C2orf74: variants seen among roughly 807,000 people sequenced by gnomAD.
C2orf74 encodes DPM1 ER membrane anchor 1.
A neutral mutation model predicts 17.9 loss-of-function variants in C2orf74; 14 were observed. The ratio of observed to expected loss-of-function variants is 0.78; its 90% CI spans 0.52 to 1.22. The LOEUF (loss-of-function observed/expected upper bound fraction) is 1.22, where lower values mean the gene tolerates loss of function less well. Among genes scored for constraint, C2orf74 ranks in the 50% most tolerant of loss-of-function variants. The pLI, the probability that C2orf74 is intolerant of heterozygous loss-of-function variation, is 0.00. For missense variants in C2orf74, 217 were observed against 218.4 expected, an observed-to-expected ratio of 0.99 and a Z score of 0.04; for synonymous variants, 79 against 72.6, an observed-to-expected ratio of 1.09 and a Z score of -0.44.
chr2:61,154,424 G>A (rs1685335208), intron 1 of C2orf74, among the ~76,000 whole-genome samples: 1 of 151,978 alleles, frequency 6.6e-6, no homozygotes, highest in Non-Finnish European at 1.5e-5. Context: ...TCCTGAATGG[G>A]GTCCTGGACC....
At chr2:61,148,273 G>A (rs1006361393) in intron 1 of C2orf74, among the ~76,000 whole-genome samples, 1 of 151,220 alleles carries the variant, frequency 6.6e-6, no homozygotes, top group African/African-American at 2.4e-5. Context: ...TGCAACCTCC[G>A]CCCCCTGGCT....
At chr2:61,159,594 C>T (rs778753124), upstream of C2orf74, among the ~76,000 whole-genome samples, 2 of 152,138 alleles carry the variant, frequency 1.3e-5, no homozygotes, top group Non-Finnish European at 2.9e-5. Flanking sequence ...CCACACCAGG[C>T]CAAGAACTAA....
intron 4 of C2orf74, 97 bp downstream of exon 4, chr2:61,163,329 A>G: frequency 5.2e-6 from 7 of 1,345,788 alleles, no homozygotes; most frequent in Non-Finnish European, 7.0e-6. Context: ...GAGATGGAGG[A>G]CCGGGCGGGT....
intron 1 of C2orf74, among the ~76,000 whole-genome samples, chr2:61,148,899 T>C (rs1037682521): frequency 2.6e-5 from 4 of 152,128 alleles, no homozygotes; most frequent in Non-Finnish European, 4.4e-5. Context: ...GTATTTTCAG[T>C]AGAGACGGGG....
rs145611636 is a variant in C2orf74, at chr2:61,147,047, T to G, written c.-122+1851T>G. On this transcript the variant is annotated intron_variant, in intron 1 of 3. Coordinates refer to the C2orf74 transcript ENST00000426997. ...AGATGGGAGTGGTGGTGGGCGCCTGTAGGCCCAACTACCCGGGAGGCTGAG... is the reference window on the plus strand; with the variant it reads ...AGATGGGAGTGGTGGTGGGCGCCTGGAGGCCCAACTACCCGGGAGGCTGAG... 2.9e-3 allele frequency among the ~76,000 whole-genome samples: 444 copies of G among 151,632 alleles called. 1 individual carries two copies. The highest frequency in any genetic ancestry group is 9.0e-3 in the African/African-American group (372 of 41,322).
At chr2:61,149,804 C>G (rs1170326109) in intron 1 of C2orf74, among the ~76,000 whole-genome samples, 1 of 151,960 alleles carries the variant, frequency 6.6e-6, no homozygotes, top group Non-Finnish European at 1.5e-5. Context: ...GTCTCGAACT[C>G]CTGACCTCAG....
At chr2:61,151,174 G>C (rs914783401) in intron 1 of C2orf74, among the ~76,000 whole-genome samples, 2 of 151,542 alleles carry the variant, frequency 1.3e-5, no homozygotes, top group Admixed American at 1.3e-4. Flanking sequence ...TCATTAGCCA[G>C]GTGTGATGGC....
Position 61,162,512 on chromosome 2 carries a change from C to T in C2orf74, c.-3C>T. The T allele has an allele frequency of 6.4e-7, 1 of 1,550,994 alleles. No individual in the cohort carries two copies. The highest frequency in any genetic ancestry group is 8.7e-7 in the Non-Finnish European group (1 of 1,146,352). On this transcript the variant is annotated 5_prime_UTR_variant, in exon 2 of 5. Transcript: ENST00000432605. ...AGAGTGGATGAGTCTTCTAGCTAAACCTATGAGCTTTGAAACCACAGCAAT... is the reference window on the plus strand; with the variant it reads ...AGAGTGGATGAGTCTTCTAGCTAAATCTATGAGCTTTGAAACCACAGCAAT...
At chr2:61,148,011 C>A (rs1453776009) in intron 1 of C2orf74, among the ~76,000 whole-genome samples, 1 of 150,898 alleles carries the variant, frequency 6.6e-6, no homozygotes. Flanking sequence ...TCAGCTGATG[C>A]TCCTGCCTTG....
At chr2:61,150,405 T>G (rs1250369228) in intron 1 of C2orf74, among the ~76,000 whole-genome samples, 1 of 152,212 alleles carries the variant, frequency 6.6e-6, no homozygotes. Flanking sequence ...TTGAAGGTAC[T>G]TCTTGATCTC....
intron 1 of C2orf74, among the ~76,000 whole-genome samples, chr2:61,146,142 G>A (rs1490857634): frequency 6.6e-6 from 1 of 152,200 alleles, no homozygotes; most frequent in Non-Finnish European, 1.5e-5. Context: ...GTATCCATCA[G>A]AAGACTGATA....
exon 1 of C2orf74, chr2:61,162,186 CCG>C: frequency 4.1e-5 from 12 of 296,272 alleles, no homozygotes; most frequent in South Asian, 1.8e-4. Context: ...TCCAGCTGTT[CCG>C]ATTCCTCTCT....
chr2:61,164,397 C>T lies in C2orf74; in HGVS notation c.434C>T (p.Pro145Leu), dbSNP rs1243445549. ...ATACACACATCTGTCACTAGAACTC[C>T]TTCAGTTGTTGAAAGCCAAAAAAGA... ...QKIHTSVTRT[P>L]SVVESQKRPL... is the part of the protein sequence containing the mutation. Residue 145 changes from proline (P) to leucine (L), a missense_variant, in exon 5 of 5, where the codon CCT becomes CTT. Coordinates refer to ENST00000432605, the MANE Select transcript of C2orf74 (RefSeq NM_001143959.4). 1 of 1,550,288 alleles carries T rather than the reference C, an allele frequency of 6.5e-7. No homozygotes were observed. Among genetic ancestry groups the T allele is most frequent in the African/African-American group, 1.4e-5 (1 of 72,972 alleles).
intron 1 of C2orf74, chr2:61,151,683 C>T (rs1388194845): frequency 6.6e-6 from 1 of 152,114 alleles, no homozygotes; most frequent in Non-Finnish European, 1.5e-5. Flanking sequence ...GTCCTTACAA[C>T]ATGGCAACTG....
chr2:61,155,997 A>C (rs1198580378), intron 1 of C2orf74, among the ~76,000 whole-genome samples: 1 of 151,972 alleles, frequency 6.6e-6, no homozygotes, highest in Non-Finnish European at 1.5e-5. Flanking sequence ...CAGGAGTTTG[A>C]GACCAGCCAG....
At chr2:61,154,368 C>T (rs1685333293) in intron 1 of C2orf74, among the ~76,000 whole-genome samples, 1 of 152,072 alleles carries the variant, frequency 6.6e-6, no homozygotes, top group African/African-American at 2.4e-5. Context: ...GAAATTGTCA[C>T]AGCCAAGAGG....
chr2:61,157,867 C>G (rs1318914761), upstream of C2orf74: 1 of 470,970 alleles, frequency 2.1e-6, no homozygotes, highest in African/African-American at 2.0e-5. Context: ...CACAGGATTT[C>G]AACAGATCAC....
At chr2:61,155,648 G>T (rs1685369608) in intron 1 of C2orf74, among the ~76,000 whole-genome samples, 2 of 152,094 alleles carry the variant, frequency 1.3e-5, no homozygotes, top group African/African-American at 4.8e-5. Flanking sequence ...AGCCTCCCGA[G>T]TAGCTGGGAC....
At position 61,162,923 on chromosome 2, in the gene C2orf74, A is replaced by G; in HGVS notation, c.177A>G (p.Lys59=). ...GAGGTGTAGACTGTGCAGCTGCCAA[A>G]GTGGTGACAAGCAATCCAGAGGACC... ...ANGGVDCAAA[K]VVTSNPEDHE... Residue 59 remains lysine (K), a synonymous_variant, in exon 3 of 5, where the codon AAA becomes AAG. Coordinates refer to ENST00000432605, the MANE Select transcript of C2orf74 (RefSeq NM_001143959.4). 8 of 1,552,558 alleles carry G rather than the reference A, an allele frequency of 5.2e-6. No homozygotes were observed. The highest frequency in any genetic ancestry group is 7.0e-6 in the Non-Finnish European group (8 of 1,147,148).
Sources: allele counts gnomAD v4.1 joint callset (sites outside exome capture counted in the v4.1 genomes callset), GRCh38; gene constraint gnomAD v4.1.1; transcripts MANE v1.5; gene names NCBI Gene and HGNC (gene_info 2026-07-23, HGNC 2026-07-21).